PCDHGA6: variants seen among roughly 807,000 people sequenced by gnomAD.
PCDHGA6 encodes protocadherin gamma-A6.
In PCDHGA6, 41 loss-of-function variants were observed where a neutral mutation model predicts 60.6. That is an observed-to-expected ratio of 0.68 (90% confidence interval 0.53 to 0.88). The LOEUF (loss-of-function observed/expected upper bound fraction) is 0.88, where lower values mean the gene tolerates loss of function less well. PCDHGA6 is among the 40% of genes least tolerant of loss of function. The pLI, the probability that PCDHGA6 is intolerant of heterozygous loss-of-function variation, is 0.00. For missense variants in PCDHGA6, 1,312 were observed against 1,203.0 expected, an observed-to-expected ratio of 1.09 and a Z score of -1.34; for synonymous variants, 594 against 524.4, an observed-to-expected ratio of 1.13 and a Z score of -1.81.
rs570982273 is a variant in PCDHGA6, at chr5:141,476,764, G to T, written c.2425-18043G>T. On this transcript the variant is annotated intron_variant, in intron 1 of 3. Coordinates refer to ENST00000517434, the MANE Select transcript of PCDHGA6 (RefSeq NM_018919.3). This position sits in a 1 kb window ranked among gnomAD's most constrained non-coding sequence, Gnocchi z 7.6. ...CTAGTCTCCAGTTAGTGCTGACGGC[G>T]TTGGACGGAGGGACCCCAGCTCTCT... 1.2e-5 allele frequency: 19 copies of T among 1,613,794 alleles called. No individual in the cohort carries two copies. In the East Asian group the frequency reaches 3.8e-4, roughly 32 times the overall value.
At chr5:141,403,121 C>T (rs2094357954) in intron 1 of PCDHGA6, 1 of 1,614,046 alleles carries the variant, frequency 6.2e-7, no homozygotes, top group Non-Finnish European at 8.5e-7. Context: ...TCTGGAGCCC[C>T]GGGAGCTGGC....
rs754836894 is a variant in PCDHGA6 at position 141,432,969 on chromosome 5, C to G, written c.2424+56462C>G. ...GGAGGCGGCTTGACAGGAGCGCCGG[C>G]GTCGCACTTTGTGGGCGTGGACGGG... On this transcript the variant is annotated intron_variant, in intron 1 of 3. Coordinates refer to ENST00000517434, the MANE Select transcript of PCDHGA6 (RefSeq NM_018919.3). The surrounding 1 kb of genome is among the most constrained non-coding windows in gnomAD (Gnocchi z 6.0). 5.0e-6 allele frequency: 8 copies of G among 1,614,030 alleles called. No homozygotes were observed. In the Admixed American group the frequency reaches 5.0e-5, roughly 10 times the overall value.
At chr5:141,470,825 C>G (rs557419577) in intron 1 of PCDHGA6, among the ~76,000 whole-genome samples, 24 of 152,182 alleles carry the variant, frequency 1.6e-4, no homozygotes, top group African/African-American at 4.1e-4. Context: ...GTAGTTAGGA[C>G]GACAAACACA....
At position 141,403,267 on chromosome 5, in the gene PCDHGA6, C is replaced by T. The variant is rs767670942; in HGVS notation, c.2424+26760C>T. On this transcript the variant is annotated intron_variant, in intron 1 of 3. Transcript: ENST00000517434. ...CTCAGAGCCCGCGGTGTCTGGTGAA[C>T]TTTAAAGTCCTGGTTGAAGACAGAG... is the stretch of plus-strand genomic sequence containing the variant. 4.4e-5 allele frequency: 71 copies of T among 1,613,770 alleles called. No homozygotes were observed. Among genetic ancestry groups the T allele is most frequent in the Non-Finnish European group, 5.8e-5 (69 of 1,179,916 alleles).
chr5:141,418,370 C>G (rs910813828), intron 1 of PCDHGA6: 1 of 1,613,822 alleles, frequency 6.2e-7, no homozygotes, highest in African/African-American at 1.3e-5. Flanking sequence ...GAGCAAATAC[C>G]AACTAAGTCC....
At chr5:141,396,781 G>T (rs1270995904) in intron 1 of PCDHGA6, 1 of 152,204 alleles carries the variant, frequency 6.6e-6, no homozygotes, top group East Asian at 1.9e-4. Context: ...TTAATGAAAA[G>T]GACATTTCCT....
intron 1 of PCDHGA6, among the ~76,000 whole-genome samples, chr5:141,470,036 C>T (rs573955901): frequency 5.3e-5 from 8 of 152,022 alleles, no homozygotes; most frequent in South Asian, 2.1e-4. Flanking sequence ...TGCTGAGGCG[C>T]GAGAACTGTT....
rs763072566 is a variant in PCDHGA6 at position 141,419,417 on chromosome 5, T to G, written c.2424+42910T>G. The stretch of plus-strand genomic sequence containing the variant: ...CGGGGTGGTGTTCGCGCAGCGCGCC[T>G]TCGACCACGAGCAGCTGCGCACCTT... On this transcript the variant is annotated intron_variant, in intron 1 of 3. Transcript: ENST00000517434. 3.0e-5 allele frequency: 48 copies of G among 1,613,288 alleles called. No homozygotes were observed. Among genetic ancestry groups the G allele is most frequent in the Non-Finnish European group, 3.8e-5 (45 of 1,179,884 alleles).
In PCDHGA6 at chr5:141,432,916, G is replaced by C; in HGVS notation, c.2424+56409G>C. ...TGCTGGCGCTCAGGCTGCGGCGCTG[G>C]CACAAGTCACGCCTGCTGCAGGCTT... On this transcript the variant is annotated intron_variant, in intron 1 of 3. Coordinates refer to ENST00000517434, the MANE Select transcript of PCDHGA6 (RefSeq NM_018919.3). The surrounding 1 kb of genome is among the most constrained non-coding windows in gnomAD (Gnocchi z 6.0). 1 of 1,614,196 alleles carries C rather than the reference G, an allele frequency of 6.2e-7. No homozygotes were observed. The highest frequency in any genetic ancestry group is 8.5e-7 in the Non-Finnish European group (1 of 1,180,040).
intron 1 of PCDHGA6, among the ~76,000 whole-genome samples, chr5:141,482,689 C>T (rs145383957): frequency 7.1e-6 from 1 of 140,984 alleles, no homozygotes; most frequent in East Asian, 1.9e-4. Flanking sequence ...GCTTGTCAGA[C>T]AGTAAAGGGG....
At chr5:141,504,203 A>G (rs2099836487) in intron 2 of PCDHGA6, among the ~76,000 whole-genome samples, 1 of 152,248 alleles carries the variant, frequency 6.6e-6, no homozygotes, top group Non-Finnish European at 1.5e-5. Context: ...TCACTGTGGG[A>G]AAATTCCAAG....
In PCDHGA6 at chr5:141,374,320, G is replaced by T. The variant is rs1425393222; in HGVS notation, c.237G>T (p.Pro79=). 2 of 1,613,960 alleles carry T rather than the reference G, an allele frequency of 1.2e-6. No homozygotes were observed. Among genetic ancestry groups the T allele is most frequent in the Admixed American group, 3.3e-5 (2 of 60,036 alleles). The change falls in exon 1 of 4, where the codon CCG becomes CCT. Residue 79 remains proline, a synonymous_variant. Coordinates refer to ENST00000517434, the MANE Select transcript of PCDHGA6 (RefSeq NM_018919.3). ...GGATGCAGCTTTTCTCTCTGAATCC[G>T]CGAAACGGCAGCTTGGTCACCGCGG... ...RGRMQLFSLN[P]RNGSLVTAGR... is the part of the protein sequence containing the mutation.
chr5:141,397,177 A>G (rs1453004001), intron 1 of PCDHGA6, among the ~76,000 whole-genome samples: 1 of 152,250 alleles, frequency 6.6e-6, no homozygotes, highest in Non-Finnish European at 1.5e-5. Flanking sequence ...CTTAAGAATG[A>G]ATTTATGTAC....
chr5:141,422,204 G>A lies in PCDHGA6; in HGVS notation c.2424+45697G>A, dbSNP rs185669562. On this transcript the variant is annotated intron_variant, in intron 1 of 3. Transcript: ENST00000517434. Reference sequence around the variant, plus strand: ...ATGGAAATTCAAGGCCAAGATGGTGGAGGTCTCTTTACCACCACGACGATG... The same window carrying A: ...ATGGAAATTCAAGGCCAAGATGGTGAAGGTCTCTTTACCACCACGACGATG... The A allele has an allele frequency of 1.7e-4, 269 of 1,562,138 alleles. No individual in the cohort carries two copies. The African/African-American group carries it at 3.6e-3, about 21-fold the overall frequency.
At chr5:141,382,430 T>A (rs984775517) in intron 1 of PCDHGA6, among the ~76,000 whole-genome samples, 10 of 152,106 alleles carry the variant, frequency 6.6e-5, no homozygotes, top group African/African-American at 2.4e-4. Context: ...CCCAAAAGAG[T>A]CACTTGAAAG....
Position 141,431,137 on chromosome 5 carries a change from T to G in PCDHGA6, c.2424+54630T>G. 3 of 1,614,212 alleles carry G rather than the reference T, an allele frequency of 1.9e-6. No individual in the cohort carries two copies. The highest frequency in any genetic ancestry group is 2.2e-5 in the South Asian group (2 of 91,084). On this transcript the variant is annotated intron_variant, in intron 1 of 3. Coordinates refer to ENST00000517434, the MANE Select transcript of PCDHGA6 (RefSeq NM_018919.3). This position sits in a 1 kb window ranked among gnomAD's most constrained non-coding sequence, Gnocchi z 4.8. Reference sequence around the variant, plus strand: ...GAGTAGAAGTAGAAGTAAGGGACATTAACGACAATGCGCCTTACTTTCGTG... The same window carrying G: ...GAGTAGAAGTAGAAGTAAGGGACATGAACGACAATGCGCCTTACTTTCGTG...
intron 1 of PCDHGA6, among the ~76,000 whole-genome samples, chr5:141,438,252 G>A (rs1181991674): frequency 6.6e-6 from 1 of 152,072 alleles, no homozygotes. Context: ...AACTGTCATT[G>A]AAGAGACCAT....
At chr5:141,382,720 T>A in intron 1 of PCDHGA6, 2 of 480,118 alleles carry the variant, frequency 4.2e-6, no homozygotes, top group South Asian at 6.2e-5. Flanking sequence ...AACCACCGAG[T>A]TTTACAGCAC....
Position 141,491,913 on chromosome 5 carries a change from T to C in PCDHGA6, c.2425-2894T>C, listed in dbSNP as rs2099735120. 2.1e-6 allele frequency: 3 copies of C among 1,398,206 alleles called. No homozygotes were observed. Among genetic ancestry groups the C allele is most frequent in the Non-Finnish European group, 2.9e-6 (3 of 1,051,918 alleles). The allele number at this position is 1,398,206 out of a possible 1,614,324, so 86.6% of individuals were successfully genotyped here. On this transcript the variant is annotated intron_variant, in intron 1 of 3. Coordinates refer to ENST00000517434, the MANE Select transcript of PCDHGA6 (RefSeq NM_018919.3). The surrounding 1 kb of genome is among the most constrained non-coding windows in gnomAD (Gnocchi z 6.9). ...TCCGAGCACCGGGGGTGGTGGCGAC[T>C]GTGGGCGAGGGGAGGTGGGACCGAC... is the stretch of plus-strand genomic sequence containing the variant.
Sources: gnomAD v4.1 joint callset for allele counts (sites outside exome capture counted in the v4.1 genomes callset) on GRCh38, gnomAD v4.1.1 for gene constraint, Gnocchi (gnomAD v3.1) non-coding constraint, MANE v1.5 for transcripts, NCBI Gene and HGNC (gene_info 2026-07-23, HGNC 2026-07-21) for gene names.